Variants in MTM1 observed in about 807,000 individuals in gnomAD.
MTM1 encodes the protein myotubularin 1.
In MTM1, 9 loss-of-function variants were observed where a neutral mutation model predicts 52.1. That is an observed-to-expected ratio of 0.17 (90% CI 0.10 to 0.30). MTM1 has a LOEUF of 0.30. MTM1 is among the 10% of genes least tolerant of loss of function. The pLI is 1.00. For synonymous variants in MTM1, 136 were observed against 163.8 expected (o/e 0.83, Z 1.29); for missense variants, 277 against 470.7 (o/e 0.59, Z 3.81).
chrX:150,583,812 T>C (rs2038711171), intron 1 of MTM1, among the ~76,000 whole-genome samples: 1 of 51,791 alleles, frequency 1.9e-5, no homozygotes, highest in South Asian at 2.0e-3. Context: ...ATTAAATATA[T>C]ATATTAAATA....
chrX:150,663,391 TTTTAC>T (rs781992950), intron 13 of MTM1, 37 bp from the exon 14 acceptor site: 2 of 1,202,225 alleles, frequency 1.7e-6, no homozygotes, highest in Non-Finnish European at 1.1e-6. Context: ...TTATGTGTGT[TTTTAC>T]TTAGGCTCTC....
chrX:150,587,403 C>T (rs1010318364), intron 1 of MTM1, among the ~76,000 whole-genome samples: 1 of 111,779 alleles, frequency 8.9e-6, no homozygotes, highest in Admixed American at 9.5e-5. Flanking sequence ...TGAGTAGTTG[C>T]AACAGAAATG....
At chrX:150,644,296 C>T (rs782775293) in intron 8 of MTM1, among the ~76,000 whole-genome samples, 2 of 110,959 alleles carry the variant, frequency 1.8e-5, no homozygotes, top group South Asian at 3.8e-4. Flanking sequence ...CTCATATGTG[C>T]TGTGCATTAT....
At chrX:150,633,680 CAAA>C (rs11335266) in intron 6 of MTM1, among the ~76,000 whole-genome samples, 4 of 100,934 alleles carry the variant, frequency 4.0e-5, no homozygotes, top group African/African-American at 7.3e-5. Context: ...AAATCAAATT[CAAA>C]AAAAAAAAAA....
chrX:150,625,158 T>C (rs1417815339), intron 6 of MTM1, among the ~76,000 whole-genome samples: 4 of 111,759 alleles, frequency 3.6e-5, no homozygotes, highest in Non-Finnish European at 7.5e-5. Flanking sequence ...ACTTACCTGC[T>C]TGGTGACCTT....
intron 6 of MTM1, 102 bp from the exon 7 acceptor site, chrX:150,638,841 C>T (rs1211410876): frequency 3.4e-5 from 21 of 618,278 alleles, no homozygotes; most frequent in Non-Finnish European, 4.5e-5. Context: ...ATTTCATGGT[C>T]GGCAAATCTG....
chrX:150,581,346 A>G (rs1392864883), intron 1 of MTM1, among the ~76,000 whole-genome samples: 1 of 112,181 alleles, frequency 8.9e-6, no homozygotes, highest in Non-Finnish European at 1.9e-5. Flanking sequence ...TCAGCTATAT[A>G]TGATCTGACA....
At chrX:150,583,905 TATATATA>T (rs1262843820) in intron 1 of MTM1, among the ~76,000 whole-genome samples, 1 of 55,924 alleles carries the variant, frequency 1.8e-5, no homozygotes, top group Non-Finnish European at 3.2e-5. Flanking sequence ...TTGATATATA[TATATATA>T]ATATAAAATA....
chrX:150,598,659 T>C lies in MTM1; in HGVS notation c.204T>C (p.Tyr68=). Residue 68 remains tyrosine (Y), a synonymous_variant, in exon 4 of 15, where the codon TAT becomes TAC. Transcript: ENST00000370396. ...AGGGAAGAGTTTACATCACAAATTA[T>C]CGTCTTTATTTAAGAAGTTTGGAAA... ...PIKGRVYITN[Y]RLYLRSLETD... is the part of the protein sequence containing the mutation. 1 of 1,192,877 alleles carries C rather than the reference T, an allele frequency of 8.4e-7. No individual in the cohort carries two copies. The highest frequency in any genetic ancestry group is 1.1e-6 in the Non-Finnish European group (1 of 878,693).
chrX:150,621,944 G>A (rs1287955935), intron 6 of MTM1, among the ~76,000 whole-genome samples: 1 of 111,612 alleles, frequency 9.0e-6, no homozygotes, highest in African/African-American at 3.3e-5. Flanking sequence ...TGGGAGTTTT[G>A]TAATGATGGC....
chrX:150,646,642 G>A (rs1306783669), intron 9 of MTM1, among the ~76,000 whole-genome samples: 3 of 112,354 alleles, frequency 2.7e-5, no homozygotes, highest in African/African-American at 9.7e-5. Context: ...ATGCTCACGA[G>A]GGGCCTGCCC....
chrX:150,606,310 T>C (rs2039156496), intron 4 of MTM1, among the ~76,000 whole-genome samples: 1 of 112,034 alleles, frequency 8.9e-6, no homozygotes, highest in Admixed American at 9.4e-5. Context: ...TTCCTGCCAG[T>C]ACCCTTGGTT....
At chrX:150,564,571 C>T (rs369259667), upstream of MTM1, among the ~76,000 whole-genome samples, 2 of 110,583 alleles carry the variant, frequency 1.8e-5, no homozygotes, top group African/African-American at 6.6e-5. Flanking sequence ...TTAGTAGAGA[C>T]GGGGTTTCAC....
At chrX:150,633,295 C>T (rs1557413625) in intron 6 of MTM1, among the ~76,000 whole-genome samples, 1 of 111,949 alleles carries the variant, frequency 8.9e-6, no homozygotes, top group African/African-American at 3.2e-5. Flanking sequence ...ATTAGGAGAA[C>T]TGTTTATGCA....
At chrX:150,583,266 TTATA>T (rs1184914635) in intron 1 of MTM1, among the ~76,000 whole-genome samples, 1 of 63,915 alleles carries the variant, frequency 1.6e-5, no homozygotes, top group Non-Finnish European at 2.6e-5. Context: ...TTTATATAAA[TTATA>T]TATAAATTAT....
upstream of MTM1, among the ~76,000 whole-genome samples, chrX:150,567,679 G>A (rs1169132187): frequency 3.6e-5 from 4 of 110,529 alleles, no homozygotes; most frequent in Non-Finnish European, 7.6e-5. Context: ...TCAGCTTCCC[G>A]AGCAGCTGGT....
intron 1 of MTM1, among the ~76,000 whole-genome samples, chrX:150,583,890 TATA>T (rs1569565349): frequency 1.7e-4 from 6 of 35,260 alleles, no homozygotes; most frequent in African/African-American, 4.0e-4. Flanking sequence ...AATATATATA[TATA>T]TTTGATATAT....
intron 6 of MTM1, among the ~76,000 whole-genome samples, chrX:150,627,361 T>C (rs2039587323): frequency 8.9e-6 from 1 of 111,845 alleles, no homozygotes; most frequent in African/African-American, 3.3e-5. Context: ...AGAATGCTGA[T>C]TGATGGAACT....
At chrX:150,583,731 ATATAT>A (rs1289954055) in intron 1 of MTM1, among the ~76,000 whole-genome samples, 1 of 46,609 alleles carries the variant, frequency 2.1e-5, no homozygotes, top group Non-Finnish European at 3.5e-5. Context: ...TATATAAATT[ATATAT>A]TATATATAAA....
Sources: gnomAD v4.1 joint callset for allele counts (sites outside exome capture counted in the v4.1 genomes callset) on GRCh38, gnomAD v4.1.1 for gene constraint, MANE v1.5 for transcripts, NCBI Gene and HGNC (gene_info 2026-07-23, HGNC 2026-07-21) for gene names.